Variants in ZAP70 observed in about 807,000 individuals in gnomAD.
The protein encoded by ZAP70 is tyrosine-protein kinase ZAP-70.
A neutral mutation model predicts 65.8 loss-of-function variants in ZAP70; 27 were observed. The ratio of observed to expected loss-of-function variants is 0.41; its 90% CI spans 0.30 to 0.57. The LOEUF is 0.57. ZAP70 is among the 20% of genes least tolerant of loss of function. The pLI is 0.28. For synonymous variants in ZAP70, 363 were observed against 360.8 expected (o/e 1.01, Z -0.07); for missense variants, 696 against 870.5 (o/e 0.80, Z 2.52).
At chr2:97,749,202 G>C in the ZAP70 span, among the ~76,000 whole-genome samples, 10 of 151,988 alleles carry the variant, frequency 6.6e-5, no homozygotes, top group African/African-American at 2.4e-4. Context: ...GTAGAGACGG[G>C]GTTTCACCGT....
At chr2:97,733,619 C>G in intron 8 of ZAP70, 24 bp downstream of exon 8, 1 of 1,612,996 alleles carries the variant, frequency 6.2e-7, no homozygotes. Context: ...GGTGGGGACG[C>G]GGGTTGGGGC....
intron 10 of ZAP70, 135 bp downstream of exon 10, chr2:97,735,591 T>A (rs1677841096): frequency 4.9e-6 from 5 of 1,026,616 alleles, no homozygotes; most frequent in Non-Finnish European, 1.4e-6. Context: ...ACTCTCAGCC[T>A]GCACACCCAC....
downstream of ZAP70, among the ~76,000 whole-genome samples, chr2:97,740,819 C>T (rs772887305): frequency 3.2e-4 from 48 of 152,318 alleles, 1 homozygote; most frequent in South Asian, 6.2e-4. Flanking sequence ...CCATTCCTGT[C>T]CCCTGTTGGG....
intron 4 of ZAP70, among the ~76,000 whole-genome samples, chr2:97,727,388 C>T (rs1170619751): frequency 2.6e-5 from 4 of 152,210 alleles, no homozygotes; most frequent in African/African-American, 7.2e-5. Flanking sequence ...CAGGGCCTGC[C>T]CTGCTGCATC....
rs75112135 is a variant in ZAP70, at chr2:97,731,542, G to T, written c.564-1341G>T. On this transcript the variant is annotated intron_variant, in intron 4 of 13. Transcript: ENST00000264972. The surrounding 1 kb of genome is among the most constrained non-coding windows in gnomAD (Gnocchi z 4.0). ...TCTCCAGACTGTTGTGGGCTAGCCTGGGAACTGCCCCACCCTTCACTGCAC... is the reference window on the plus strand; with the variant it reads ...TCTCCAGACTGTTGTGGGCTAGCCTTGGAACTGCCCCACCCTTCACTGCAC... 0.017 allele frequency among the ~76,000 whole-genome samples: 2,594 copies of T among 152,230 alleles called. 79 individuals are homozygous for T. Among genetic ancestry groups the T allele is most frequent in the African/African-American group, 0.06 (2,487 of 41,512 alleles).
chr2:97,723,208 C>T (rs1458605100), intron 2 of ZAP70, among the ~76,000 whole-genome samples: 2 of 152,218 alleles, frequency 1.3e-5, no homozygotes, highest in African/African-American at 4.8e-5. Context: ...ATGCATTTAA[C>T]CAGTCCCCTA....
At chr2:97,749,631 A>T in the ZAP70 span, among the ~76,000 whole-genome samples, 1 of 152,240 alleles carries the variant, frequency 6.6e-6, no homozygotes, top group South Asian at 2.1e-4. Flanking sequence ...CATTGCCTTA[A>T]CTGGAAAAGG....
intron 2 of ZAP70, among the ~76,000 whole-genome samples, chr2:97,720,541 G>A (rs376175366): frequency 9.2e-5 from 14 of 152,226 alleles, no homozygotes; most frequent in Admixed American, 5.9e-4. Flanking sequence ...TAATGGAGAC[G>A]GGGTTTCACC....
the ZAP70 span, among the ~76,000 whole-genome samples, chr2:97,752,767 T>C: frequency 6.6e-6 from 1 of 152,246 alleles, no homozygotes; most frequent in African/African-American, 2.4e-5. Context: ...CATTTATTTA[T>C]ACTATCAATA....
the ZAP70 span, among the ~76,000 whole-genome samples, chr2:97,748,797 G>A: frequency 2.6e-5 from 4 of 152,124 alleles, no homozygotes; most frequent in East Asian, 1.9e-4. Flanking sequence ...GTACAGCACC[G>A]TAGCACTGTA....
At chr2:97,721,176 G>T (rs1380387907) in intron 2 of ZAP70, among the ~76,000 whole-genome samples, 2 of 152,174 alleles carry the variant, frequency 1.3e-5, no homozygotes, top group African/African-American at 4.8e-5. Flanking sequence ...TCACCTGCTA[G>T]ATTCTCCAGT....
the ZAP70 span, chr2:97,756,350 T>C: frequency 1.3e-5 from 2 of 152,360 alleles, no homozygotes; most frequent in South Asian, 4.1e-4. Flanking sequence ...GAAAAAAGCA[T>C]CATTTATTTC....
At chr2:97,722,256 A>G (rs758439814) in intron 2 of ZAP70, among the ~76,000 whole-genome samples, 20 of 150,602 alleles carry the variant, frequency 1.3e-4, no homozygotes, top group Non-Finnish European at 4.4e-5. Context: ...AATTTTTTGT[A>G]TTTATGGTGG....
At chr2:97,748,491 G>T in the ZAP70 span, among the ~76,000 whole-genome samples, 1 of 152,120 alleles carries the variant, frequency 6.6e-6, no homozygotes, top group Admixed American at 6.6e-5. Flanking sequence ...CTGCTTCCCC[G>T]CCTGCCATGG....
intron 6 of ZAP70, 39 bp from the exon 7 acceptor site, chr2:97,733,258 C>A: frequency 6.2e-7 from 1 of 1,609,310 alleles, no homozygotes; most frequent in Non-Finnish European, 8.5e-7. Flanking sequence ...CGGCAGGAGA[C>A]CTGGCCCCCA....
At chr2:97,738,925 G>A (rs1242400124) in intron 13 of ZAP70, among the ~76,000 whole-genome samples, 2 of 152,010 alleles carry the variant, frequency 1.3e-5, no homozygotes, top group African/African-American at 2.4e-5. Context: ...GCCGCTCCCC[G>A]CTGGCCAGAC....
At chr2:97,741,486 C>T (rs1678129008), downstream of ZAP70, among the ~76,000 whole-genome samples, 1 of 151,650 alleles carries the variant, frequency 6.6e-6, no homozygotes, top group African/African-American at 2.4e-5. Context: ...GGGTGATGTC[C>T]GCTAGGAAAG....
Position 97,734,538 on chromosome 2 carries a change from A to G in ZAP70, c.908A>G (p.Asp303Gly), listed in dbSNP as rs1490208855. 1.2e-6 allele frequency: 2 copies of G among 1,613,958 alleles called. No homozygotes were observed. The highest frequency in any genetic ancestry group is 2.2e-5 in the South Asian group (2 of 91,082). ...TPEPARITSP[D>G]KPRPMPMDTS... is the part of the protein sequence containing the mutation. ...TGCCCAGCACGCATAACGTCCCCAG[A>G]CAAACCGCGGCCGATGCCCATGGAC... Residue 303 changes from aspartate to glycine, a missense_variant, in exon 9 of 14, where the codon GAC becomes GGC. Asp to Gly is a moderately conservative substitution (Grantham distance 94). Coordinates refer to ENST00000264972, the MANE Select transcript of ZAP70 (RefSeq NM_001079.4).
intron 2 of ZAP70, among the ~76,000 whole-genome samples, chr2:97,717,895 A>G (rs1372088355): frequency 6.6e-6 from 1 of 152,104 alleles, no homozygotes; most frequent in Non-Finnish European, 1.5e-5. Context: ...CCAGGCTCCA[A>G]GGCTTCCTCC....
Sources: allele counts gnomAD v4.1 joint callset (sites outside exome capture counted in the v4.1 genomes callset), GRCh38; gene constraint gnomAD v4.1.1; non-coding constraint Gnocchi (gnomAD v3.1); transcripts MANE v1.5; gene names NCBI Gene and HGNC (gene_info 2026-07-23, HGNC 2026-07-21).